The following FIP1L1 variants were observed in gnomAD, a reference collection of about 807,000 sequenced individuals.
FIP1L1 encodes factor interacting with PAPOLA and CPSF1, also known as pre-mRNA 3'-end-processing factor FIP1.
In FIP1L1, 21 loss-of-function variants were observed where a neutral mutation model predicts 84.6. The observed-to-expected ratio is 0.25, with a 90% CI of 0.18 to 0.36. FIP1L1 has a LOEUF of 0.36. Ranked by LOEUF, FIP1L1 falls within the 10% of genes least tolerant of loss-of-function variation. The probability of loss-of-function intolerance (pLI) is 1.00; values close to 1 mark genes in which losing one functional copy is unlikely to be tolerated. For missense variants in FIP1L1, 526 were observed against 751.1 expected, an observed-to-expected ratio of 0.70 and a Z score of 3.50; for synonymous variants, 263 against 242.3, an observed-to-expected ratio of 1.09 and a Z score of -0.80.
At chr4:53,423,680 G>A (rs753493574) in intron 11 of FIP1L1, among the ~76,000 whole-genome samples, 3 of 152,018 alleles carry the variant, frequency 2.0e-5, no homozygotes, top group South Asian at 2.1e-4. Flanking sequence ...TAAAAAATAC[G>A]GGCACAAGGA....
chr4:53,426,004 GGAT>G lies in FIP1L1; in HGVS notation c.1017+43_1017+45del. 4.4e-6 allele frequency: 6 copies of G among 1,351,954 alleles called. No individual in the cohort carries two copies. The South Asian group carries it at 4.9e-5, about 11-fold the overall frequency. 83.7% of individuals were successfully genotyped at this position (1,351,954 alleles called of 1,614,324 possible). A position where few individuals can be genotyped will look rare whatever the true frequency, so the allele number is the denominator to read the frequency against. On this transcript the variant is annotated intron_variant, in intron 12 of 17. Coordinates refer to ENST00000337488, the MANE Select transcript of FIP1L1 (RefSeq NM_030917.4). The stretch of plus-strand genomic sequence containing the variant: ...AAATAAATAATTTTCTTTAACTGAA[GGAT>G]GATATCAACATTATAATTTAATTTA...
At chr4:53,389,951 T>C (rs1035161327) in intron 6 of FIP1L1, 78 bp downstream of exon 6, 7 of 1,084,572 alleles carry the variant, frequency 6.5e-6, no homozygotes, top group East Asian at 5.0e-5. Context: ...CTTTTTTTTT[T>C]AGTCGGGGAC....
chr4:53,403,181 G>A (rs898775322), intron 10 of FIP1L1, among the ~76,000 whole-genome samples: 9 of 152,100 alleles, frequency 5.9e-5, no homozygotes, highest in Non-Finnish European at 1.3e-4. Flanking sequence ...TTTTCAAGAT[G>A]AGAGGAATTA....
chr4:53,459,481 C>A lies in FIP1L1; in HGVS notation c.*32C>A, dbSNP rs1259962735. 2 of 1,612,328 alleles carry A rather than the reference C, an allele frequency of 1.2e-6. No individual in the cohort carries two copies. The highest frequency in any genetic ancestry group is 2.7e-5 in the African/African-American group (2 of 74,726). Reference sequence around the variant, plus strand: ...TTTTGGCCTTTTGTGTATATTAGTACCAGAAGTAGATACTATAAATCTTGT... The same window carrying A: ...TTTTGGCCTTTTGTGTATATTAGTAACAGAAGTAGATACTATAAATCTTGT... On this transcript the variant is annotated 3_prime_UTR_variant, in exon 18 of 18. Coordinates refer to ENST00000337488, the MANE Select transcript of FIP1L1 (RefSeq NM_030917.4).
chr4:53,439,323 T>C (rs1578989608), intron 13 of FIP1L1, among the ~76,000 whole-genome samples: 1 of 152,102 alleles, frequency 6.6e-6, no homozygotes, highest in Non-Finnish European at 1.5e-5. Context: ...TGAAACTTGA[T>C]GGCTGCTTTA....
At position 53,460,187 on chromosome 4, in the gene FIP1L1, A is replaced by ATTT. The variant is rs1316573186; in HGVS notation, c.*740_*742dup. 5.1e-6 allele frequency: 1 copy of ATTT among 196,682 alleles called. No homozygotes were observed. Among genetic ancestry groups the ATTT allele is most frequent in the Non-Finnish European group, 1.1e-5 (1 of 94,892 alleles). 12.2% of individuals were successfully genotyped at this position (196,682 alleles called of 1,614,324 possible). A position where few individuals can be genotyped will look rare whatever the true frequency, so the allele number is the denominator to read the frequency against. On this transcript the variant is annotated 3_prime_UTR_variant, in exon 18 of 18. Coordinates refer to ENST00000337488, the MANE Select transcript of FIP1L1 (RefSeq NM_030917.4). ...CAAGCTGGTTTGGCCTTCTTGATGC[A>ATTT]TTTTCCAAGGCCCACTGGTGGAGCA...
intron 13 of FIP1L1, among the ~76,000 whole-genome samples, chr4:53,436,298 A>G (rs944922172): frequency 9.2e-5 from 14 of 152,194 alleles, no homozygotes; most frequent in African/African-American, 2.9e-4. Context: ...CAGACCTCAC[A>G]GTCTTCTCCA....
At chr4:53,382,483 C>A in intron 4 of FIP1L1, 148 bp downstream of exon 4, 1 of 611,414 alleles carries the variant, frequency 1.6e-6, no homozygotes, top group South Asian at 2.1e-5. Flanking sequence ...CATCTGGTGC[C>A]ATCAAAAACA....
chr4:53,433,597 T>C (rs1767716364), intron 13 of FIP1L1, among the ~76,000 whole-genome samples: 3 of 152,170 alleles, frequency 2.0e-5, no homozygotes, highest in Admixed American at 2.0e-4. Flanking sequence ...TGAACTCTTA[T>C]CAGCCTCAAA....
At chr4:53,379,550 A>G (rs1736673984) in intron 3 of FIP1L1, among the ~76,000 whole-genome samples, 1 of 152,268 alleles carries the variant, frequency 6.6e-6, no homozygotes, top group Non-Finnish European at 1.5e-5. Context: ...AGTGAAGTAT[A>G]CAGTATAATC....
intron 11 of FIP1L1, among the ~76,000 whole-genome samples, chr4:53,420,454 A>C (rs1578697014): frequency 3.0e-5 from 1 of 33,586 alleles, no homozygotes; most frequent in East Asian, 6.6e-4. Context: ...AAAAAGATAA[A>C]TCAGACACTC....
intron 13 of FIP1L1, among the ~76,000 whole-genome samples, chr4:53,432,783 G>C (rs1767353699): frequency 6.6e-6 from 1 of 152,110 alleles, no homozygotes; most frequent in Non-Finnish European, 1.5e-5. Context: ...TTGCTTGAAA[G>C]CCTGTTTTCT....
intron 4 of FIP1L1, 98 bp from the exon 5 acceptor site, chr4:53,383,675 G>GAA (rs943248259): frequency 9.4e-4 from 938 of 997,058 alleles, no homozygotes; most frequent in East Asian, 1.0e-3. Context: ...ACAGAAGAAA[G>GAA]AAAAAAAAAA....
At chr4:53,424,266 T>A (rs1763494516) in intron 11 of FIP1L1, among the ~76,000 whole-genome samples, 1 of 152,158 alleles carries the variant, frequency 6.6e-6, no homozygotes, top group African/African-American at 2.4e-5. Context: ...AATGTTTGTA[T>A]ATCAGAGGGC....
At chr4:53,431,390 A>G (rs1766584489) in intron 13 of FIP1L1, among the ~76,000 whole-genome samples, 2 of 152,216 alleles carry the variant, frequency 1.3e-5, no homozygotes. Flanking sequence ...GCCTTAAAAG[A>G]TATTCCATTT....
At chr4:53,407,679 G>T (rs894892045) in intron 10 of FIP1L1, among the ~76,000 whole-genome samples, 98 of 151,436 alleles carry the variant, frequency 6.5e-4, no homozygotes, top group African/African-American at 2.2e-3. Flanking sequence ...CTTGCTTTAT[G>T]ATTCTGGGTG....
rs114700355 is a variant in FIP1L1 at position 53,440,794 on chromosome 4, C to T, written c.1175-1859C>T. ...ATTAAGATATTTAGTTTTCTTATAC[C>T]TGTCTTACCCGTTTCTGTAGAAATA... On this transcript the variant is annotated intron_variant, in intron 13 of 17. Coordinates refer to ENST00000337488, the MANE Select transcript of FIP1L1 (RefSeq NM_030917.4). 5 of 543,968 alleles carry T rather than the reference C, an allele frequency of 9.2e-6. No homozygotes were observed. In the East Asian group the frequency reaches 1.3e-4, roughly 14 times the overall value. The allele number at this position is 543,968 out of a possible 1,614,324, so 33.7% of individuals were successfully genotyped here.
rs143861272 is a variant in FIP1L1, at chr4:53,390,908, A to G, written c.506-101A>G. The G allele has an allele frequency of 1.3e-3, 1,258 of 996,390 alleles. 5 individuals carry two copies. Among genetic ancestry groups the G allele is most frequent in the African/African-American group, 8.3e-3 (494 of 59,834 alleles). The allele number at this position is 996,390 out of a possible 1,614,324, so 61.7% of individuals were successfully genotyped here. On this transcript the variant is annotated intron_variant, in intron 7 of 17. Transcript: ENST00000337488. ...ACCATAAATGATAGAGTGATAACTG[A>G]TAGAACTCTAAATTTATATTTTTAT...
At position 53,441,749 on chromosome 4, in the gene FIP1L1, TAGAC is replaced by T. The variant is rs893592613; in HGVS notation, c.1175-901_1175-898del. Among the ~76,000 whole-genome samples the T allele has an allele frequency of 5.9e-5, 9 of 152,094 alleles. No homozygotes were observed. In the East Asian group the frequency reaches 7.7e-4, roughly 13 times the overall value. On this transcript the variant is annotated intron_variant, in intron 13 of 17. Transcript: ENST00000337488. ...GTGTTTTCACATAACTAGAAGGTGATAGACAGTATGACAGTGGAATACCTCTTGT... is the reference window on the plus strand; with the variant it reads ...GTGTTTTCACATAACTAGAAGGTGATAGTATGACAGTGGAATACCTCTTGT...
Sources: allele counts gnomAD v4.1 joint callset (sites outside exome capture counted in the v4.1 genomes callset), GRCh38; gene constraint gnomAD v4.1.1; transcripts MANE v1.5; gene names NCBI Gene and HGNC (gene_info 2026-07-23, HGNC 2026-07-21).